HAUS5: variants seen among roughly 807,000 people sequenced by gnomAD.
The protein encoded by HAUS5 is HAUS augmin like complex subunit 5.
HAUS5 carries 67 observed loss-of-function variants against 94.1 expected under a neutral mutation model. The ratio of observed to expected loss-of-function variants is 0.71; its 90% CI spans 0.58 to 0.87. The LOEUF (loss-of-function observed/expected upper bound fraction) is 0.87, where lower values mean the gene tolerates loss of function less well. HAUS5 is among the 40% of genes least tolerant of loss of function. HAUS5 has a pLI of 0.00. For missense variants in HAUS5, 739 were observed against 825.6 expected (o/e 0.90, Z 1.29); for synonymous variants, 339 against 355.4 (o/e 0.95, Z 0.52).
In HAUS5 at chr19:35,622,924, C is replaced by G; in HGVS notation, c.1833C>G (p.Gly611=). The stretch of plus-strand genomic sequence containing the variant: ...CCCTCTCTGAGGAGCTCTGCCAGGG[C>G]CTGTCCCTGCCCCAGTGGCGGCTGC... ...QAALSEELCQ[G]LSLPQWRLRW... is the part of the protein sequence containing the mutation. Residue 611 remains glycine, a synonymous_variant, in exon 19 of 19, where the codon GGC becomes GGG. Coordinates refer to ENST00000203166, the MANE Select transcript of HAUS5 (RefSeq NM_015302.2). 1 of 1,614,036 alleles carries G rather than the reference C, an allele frequency of 6.2e-7. No homozygotes were observed. The highest frequency in any genetic ancestry group is 8.5e-7 in the Non-Finnish European group (1 of 1,180,002).
rs760442530 is a variant in HAUS5 at position 35,614,991 on chromosome 19, G to A, written c.220-51G>A. The A allele has an allele frequency of 2.9e-6, 4 of 1,395,544 alleles. No homozygotes were observed. In the South Asian group the frequency reaches 5.0e-5, roughly 17 times the overall value. The allele number at this position is 1,395,544 out of a possible 1,614,324, so 86.4% of individuals were successfully genotyped here. A position where few individuals can be genotyped will look rare whatever the true frequency, so the allele number is the denominator to read the frequency against. ...GGAGCCTGGTACCCCCAAAAGACAG[G>A]CCAGGCTGAGCCCCGATCAGACCAT... On this transcript the variant is annotated intron_variant, in intron 4 of 18. Coordinates refer to ENST00000203166, the MANE Select transcript of HAUS5 (RefSeq NM_015302.2).
chr19:35,617,168 C>T lies in HAUS5; in HGVS notation c.530C>T (p.Ala177Val), dbSNP rs927335929. The change falls in exon 7 of 19, where the codon GCT (alanine) becomes GTT (valine). Residue 177 changes from alanine to valine, a missense_variant. Coordinates refer to ENST00000203166, the MANE Select transcript of HAUS5 (RefSeq NM_015302.2). ...ACCTTTGGATCCCTCACGTCGGCAG[C>T]TCTGGGCCTGGAGCCCGTGGTCCTG... ...DVTFGSLTSA[A>V]LGLEPVVLRD... 6.8e-6 allele frequency: 11 copies of T among 1,613,962 alleles called. No homozygotes were observed. The highest frequency in any genetic ancestry group is 1.3e-5 in the African/African-American group (1 of 74,934).
chr19:35,621,241 A>G (rs1967204595), intron 17 of HAUS5, among the ~76,000 whole-genome samples: 2 of 152,224 alleles, frequency 1.3e-5, no homozygotes, highest in African/African-American at 4.8e-5. Flanking sequence ...AGGGGAGGGA[A>G]CAGTGTGCAG....
In HAUS5 at chr19:35,613,792, G is replaced by A. The variant is rs761058122; in HGVS notation, c.161G>A (p.Arg54Lys). 2.5e-6 allele frequency: 4 copies of A among 1,614,054 alleles called. No homozygotes were observed. The Admixed American group carries it at 5.0e-5, about 20-fold the overall frequency. Residue 54 changes from arginine (R) to lysine (K), a missense_variant and splice_region_variant, in exon 2 of 19, where the codon AGG (arginine) becomes AAG (lysine). Coordinates refer to ENST00000203166, the MANE Select transcript of HAUS5 (RefSeq NM_015302.2). ...AYILQHVHSQRTVKKIRGNLL... is the reference protein window; with the variant it reads ...AYILQHVHSQKTVKKIRGNLL... ...ATCTTGCAGCATGTGCACAGTCAGA[G>A]GTAAGCTGGGCTAGAGCAGGGGAGG...
chr19:35,619,745 C>T lies in HAUS5; in HGVS notation c.1393C>T (p.His465Tyr). Residue 465 changes from histidine to tyrosine, a missense_variant, in exon 15 of 19, where the codon CAC (histidine) becomes TAC (tyrosine). Coordinates refer to ENST00000203166, the MANE Select transcript of HAUS5 (RefSeq NM_015302.2). ...CATTCTGTTGGGCACGCTGCTGCGG[C>T]ACAGGCCGGGAGAGTGAGACTGGGG... ...PHILLGTLLR[H>Y]RPGELKPLPT... is the part of the protein sequence containing the mutation. 6.4e-7 allele frequency: 1 copy of T among 1,555,434 alleles called. No individual in the cohort carries two copies. The highest frequency in any genetic ancestry group is 8.7e-7 in the Non-Finnish European group (1 of 1,150,098).
At chr19:35,613,981 G>A in intron 3 of HAUS5, 54 bp from the exon 4 acceptor site, 1 of 1,609,580 alleles carries the variant, frequency 6.2e-7, no homozygotes, top group African/African-American at 1.3e-5. Context: ...CACACCTATT[G>A]CCCTCCCCCC....
rs767341786 is a variant in HAUS5 at position 35,617,102 on chromosome 19, C to T, written c.486-22C>T. On this transcript the variant is annotated intron_variant, in intron 6 of 18. Coordinates refer to ENST00000203166, the MANE Select transcript of HAUS5 (RefSeq NM_015302.2). ...ATCTGTTCTCCCAGGGACCCCAGCC[C>T]CAGCTGCACTTCTCCCTCCAGGAAA... 32 of 1,606,566 alleles carry T rather than the reference C, an allele frequency of 2.0e-5. No homozygotes were observed. The Admixed American group carries it at 5.3e-4, about 27-fold the overall frequency.
Position 35,613,847 on chromosome 19 carries a change from CTTT to C in HAUS5, c.162-20_162-18del. The C allele has an allele frequency of 6.2e-7, 1 of 1,614,098 alleles. No homozygotes were observed. The highest frequency in any genetic ancestry group is 8.5e-7 in the Non-Finnish European group (1 of 1,179,974). On this transcript the variant is annotated intron_variant, in intron 2 of 18. Transcript: ENST00000203166. ...ACAGGTGAGGCCCATAGTAACTCCT[CTTT>C]CTGCCTCTGCACTGTAGGACTGTCA... is the stretch of plus-strand genomic sequence containing the variant.
intron 10 of HAUS5, 40 bp downstream of exon 10, chr19:35,618,235 T>G (rs1273956925): frequency 6.3e-7 from 1 of 1,595,750 alleles, no homozygotes; most frequent in Non-Finnish European, 8.6e-7. Context: ...GAAGGCCATG[T>G]GAGTGGGTGA....
At position 35,617,879 on chromosome 19, in the gene HAUS5, C is replaced by G. The variant is rs1475626698; in HGVS notation, c.663C>G (p.Gly221=). ...GAACCCCTCATGATGACCACTTTGG[C>G]ACTTCGTACCAGCAGTGGCTGAGCT... The part of the protein sequence containing the change: ...SLPTPHDDHF[G]TSYQQWLSSV... The change falls in exon 9 of 19, where the codon GGC becomes GGG. Residue 221 remains glycine, a synonymous_variant. Coordinates refer to ENST00000203166, the MANE Select transcript of HAUS5 (RefSeq NM_015302.2). 1 of 1,614,004 alleles carries G rather than the reference C, an allele frequency of 6.2e-7. No individual in the cohort carries two copies. Among genetic ancestry groups the G allele is most frequent in the Non-Finnish European group, 8.5e-7 (1 of 1,179,928 alleles).
At chr19:35,620,642 G>A (rs531582311) in intron 17 of HAUS5, among the ~76,000 whole-genome samples, 6 of 152,286 alleles carry the variant, frequency 3.9e-5, no homozygotes, top group South Asian at 2.1e-4. Context: ...GACTTTCCAC[G>A]TGTTCATTCA....
At chr19:35,613,692 T>G in intron 1 of HAUS5, 38 bp from the exon 2 acceptor site, 1 of 1,590,796 alleles carries the variant, frequency 6.3e-7, no homozygotes, top group South Asian at 1.1e-5. Context: ...ACACCCTGTG[T>G]GCTGCCCCAG....
rs1056539694 is a variant in HAUS5, at chr19:35,618,345, C to T, written c.822-57C>T. On this transcript the variant is annotated intron_variant, in intron 10 of 18. Coordinates refer to ENST00000203166, the MANE Select transcript of HAUS5 (RefSeq NM_015302.2). ...TGGCAGGACTGATACTGTCCACCCT[C>T]GAGTACCAAGGCAAGGCCGCAGCAC... 1.1e-5 allele frequency: 17 copies of T among 1,608,630 alleles called. 1 individual carries two copies. The highest frequency in any genetic ancestry group is 1.4e-5 in the Non-Finnish European group (17 of 1,178,216).
chr19:35,621,584 A>G (rs1967210153), intron 17 of HAUS5, among the ~76,000 whole-genome samples: 1 of 152,094 alleles, frequency 6.6e-6, no homozygotes, highest in Non-Finnish European at 1.5e-5. Flanking sequence ...CTCTACTCCA[A>G]AAAACAATTT....
At chr19:35,621,919 G>A (rs573709815) in intron 17 of HAUS5, among the ~76,000 whole-genome samples, 65 of 152,292 alleles carry the variant, frequency 4.3e-4, no homozygotes, top group Non-Finnish European at 7.3e-4. Context: ...TGCTGAGCTG[G>A]GCCTGTTCTG....
chr19:35,615,297 A>G lies in HAUS5; in HGVS notation c.396A>G (p.Gln132=), dbSNP rs1422443705. 1.2e-6 allele frequency: 2 copies of G among 1,613,884 alleles called. No individual in the cohort carries two copies. The highest frequency in any genetic ancestry group is 2.2e-5 in the South Asian group (2 of 91,036). The change falls in exon 6 of 19, where the codon CAA becomes CAG. Residue 132 remains glutamine, a synonymous_variant. Transcript: ENST00000203166. Reference sequence around the variant, plus strand: ...GTCGAGCTCTCCTCCTCCGGGCCCAAGCTGGGGCCATGCGAAGACAGCAGC... The same window carrying G: ...GTCGAGCTCTCCTCCTCCGGGCCCAGGCTGGGGCCATGCGAAGACAGCAGC... The part of the protein sequence containing the change: ...TQRRALLLRA[Q]AGAMRRQQHT...
At chr19:35,614,158 T>C in intron 4 of HAUS5, 99 bp downstream of exon 4, 1 of 1,069,960 alleles carries the variant, frequency 9.3e-7, no homozygotes, top group Non-Finnish European at 1.4e-6. Context: ...CTGGGGACAA[T>C]GGGTCACAAG....
In HAUS5 at chr19:35,623,015, C is replaced by A; in HGVS notation, c.*22C>A. 2 of 1,499,092 alleles carry A rather than the reference C, an allele frequency of 1.3e-6. No homozygotes were observed. The highest frequency in any genetic ancestry group is 9.2e-7 in the Non-Finnish European group (1 of 1,082,264). The allele number at this position is 1,499,092 out of a possible 1,614,324, so 92.9% of individuals were successfully genotyped here. A position where few individuals can be genotyped will look rare whatever the true frequency, so the allele number is the denominator to read the frequency against. On this transcript the variant is annotated 3_prime_UTR_variant, in exon 19 of 19. Coordinates refer to ENST00000203166, the MANE Select transcript of HAUS5 (RefSeq NM_015302.2). ...CTGAAGAGAGGGTTCAAACGGAAGC[C>A]GAGAACTTGACACTGTTCACCCCAA...
intron 6 of HAUS5, 115 bp downstream of exon 6, chr19:35,615,501 G>A: frequency 1.3e-6 from 1 of 798,586 alleles, no homozygotes; most frequent in East Asian, 2.7e-5. Context: ...CATTAGGATG[G>A]AATGTCCATG....
Sources: gnomAD v4.1 joint callset for allele counts (sites outside exome capture counted in the v4.1 genomes callset) on GRCh38, gnomAD v4.1.1 for gene constraint, MANE v1.5 for transcripts, NCBI Gene and HGNC (gene_info 2026-07-23, HGNC 2026-07-21) for gene names.